The following PCDHA1 variants were observed in gnomAD, a reference collection of about 807,000 sequenced individuals.
PCDHA1 encodes the protein protocadherin alpha-1.
A neutral mutation model predicts 61.3 loss-of-function variants in PCDHA1; 42 were observed. The ratio of observed to expected loss-of-function variants is 0.69; its 90% CI spans 0.54 to 0.89. The LOEUF is 0.89. Ranked by LOEUF, PCDHA1 falls within the 40% of genes least tolerant of loss-of-function variation. The pLI is 0.00. For synonymous variants in PCDHA1, 610 were observed against 553.8 expected (o/e 1.10, Z -1.43); for missense variants, 1,256 against 1,235.3 (o/e 1.02, Z -0.25).
At chr5:140,835,778 G>A in intron 1 of PCDHA1, 1 of 1,613,340 alleles carries the variant, frequency 6.2e-7, no homozygotes, top group Non-Finnish European at 8.5e-7. Flanking sequence ...TGTTCGTGAA[G>A]GAGAACAACC....
At chr5:140,977,831 T>C (rs987042342) in intron 1 of PCDHA1, among the ~76,000 whole-genome samples, 3 of 152,240 alleles carry the variant, frequency 2.0e-5, no homozygotes, top group Admixed American at 1.3e-4. Flanking sequence ...AATGGTCTAT[T>C]GATATTACTA....
intron 1 of PCDHA1, chr5:140,807,991 T>C (rs782125589): frequency 6.2e-7 from 1 of 1,613,604 alleles, no homozygotes; most frequent in Admixed American, 1.7e-5. Flanking sequence ...ACGCCTCAGA[T>C]TTAGACGAAG....
intron 1 of PCDHA1, among the ~76,000 whole-genome samples, chr5:140,936,024 C>T (rs536876826): frequency 1.4e-4 from 22 of 151,890 alleles, no homozygotes; most frequent in African/African-American, 4.6e-4. Flanking sequence ...TCCCGAGTAG[C>T]GGGGATTACA....
chr5:140,867,059 TTATA>T (rs782538902), intron 1 of PCDHA1: 1 of 152,152 alleles, frequency 6.6e-6, no homozygotes, highest in Non-Finnish European at 1.5e-5. Flanking sequence ...CAGTACTACT[TTATA>T]TATTCACAAA....
At chr5:140,803,875 T>C in intron 1 of PCDHA1, 1 of 556,838 alleles carries the variant, frequency 1.8e-6, no homozygotes, top group East Asian at 3.0e-5. Flanking sequence ...ACAAATATTT[T>C]TTCTTAGATG....
chr5:140,805,123 G>A (rs1554123272), intron 1 of PCDHA1: 1 of 1,584,212 alleles, frequency 6.3e-7, no homozygotes, highest in Admixed American at 1.7e-5. Context: ...AAGACTCTTG[G>A]CAAAGACATT....
At position 140,857,279 on chromosome 5, in the gene PCDHA1, G is replaced by A. The variant is rs782434219; in HGVS notation, c.2394+68595G>A. 6 of 1,598,610 alleles carry A rather than the reference G, an allele frequency of 3.8e-6. No homozygotes were observed. Among genetic ancestry groups the A allele is most frequent in the Admixed American group, 1.7e-5 (1 of 59,324 alleles). Reference sequence around the variant, plus strand: ...TTACTACTCATTGGTGCTGGACAGCGCTCTGGACCGCGAGAGGGTGTCGGC... The same window carrying A: ...TTACTACTCATTGGTGCTGGACAGCACTCTGGACCGCGAGAGGGTGTCGGC... On this transcript the variant is annotated intron_variant, in intron 1 of 3. Coordinates refer to ENST00000504120, the MANE Select transcript of PCDHA1 (RefSeq NM_018900.4).
At chr5:140,797,301 T>C (rs1554120393) in intron 1 of PCDHA1, 1 of 1,614,136 alleles carries the variant, frequency 6.2e-7, no homozygotes, top group Admixed American at 1.7e-5. Context: ...TATCTCAAGG[T>C]CCAGACTCCG....
At chr5:140,926,131 A>G (rs2082931602) in intron 1 of PCDHA1, among the ~76,000 whole-genome samples, 1 of 152,076 alleles carries the variant, frequency 6.6e-6, no homozygotes, top group Non-Finnish European at 1.5e-5. Context: ...TTCAACCCGC[A>G]GCAGGATCCA....
chr5:140,856,991 T>C, intron 1 of PCDHA1: 1 of 1,595,770 alleles, frequency 6.3e-7, no homozygotes, highest in Non-Finnish European at 8.6e-7. Flanking sequence ...CAGTAACACT[T>C]ATGAAATTCA....
intron 1 of PCDHA1, chr5:140,852,727 G>C: frequency 1.0e-6 from 1 of 983,528 alleles, no homozygotes; most frequent in South Asian, 4.8e-5. Flanking sequence ...CGTTTTTCAA[G>C]TTTCATGTGC....
At chr5:140,882,814 A>T in intron 1 of PCDHA1, 1 of 1,614,248 alleles carries the variant, frequency 6.2e-7, no homozygotes, top group East Asian at 2.2e-5. Context: ...CTTTGGACGC[A>T]CAAAACAGTC....
rs142074942 is a variant in PCDHA1, at chr5:140,842,421, C to T, written c.2394+53737C>T. Reference sequence around the variant, plus strand: ...GTACGTGAAGACGCTCAATTTGGTACTGTCATCGCCCTAATTAGCGTGAAC... The same window carrying T: ...GTACGTGAAGACGCTCAATTTGGTATTGTCATCGCCCTAATTAGCGTGAAC... On this transcript the variant is annotated intron_variant, in intron 1 of 3. Coordinates refer to ENST00000504120, the MANE Select transcript of PCDHA1 (RefSeq NM_018900.4). The T allele has an allele frequency of 2.6e-4, 427 of 1,613,464 alleles. 6 individuals carry two copies. In the African/African-American group the frequency reaches 2.7e-3, roughly 10 times the overall value.
intron 1 of PCDHA1, chr5:140,877,356 T>G (rs1227079705): frequency 9.9e-6 from 16 of 1,613,866 alleles, no homozygotes; most frequent in Non-Finnish European, 1.4e-5. Flanking sequence ...GGCTGTACAC[T>G]GGCGAGATCA....
intron 1 of PCDHA1, chr5:140,802,627 T>C: frequency 3.1e-6 from 5 of 1,613,912 alleles, no homozygotes; most frequent in South Asian, 1.1e-5. Flanking sequence ...ATCTTCACGG[T>C]GTCTGCGCGG....
chr5:141,006,507 C>T (rs2098276539), intron 3 of PCDHA1, among the ~76,000 whole-genome samples: 1 of 152,156 alleles, frequency 6.6e-6, no homozygotes, highest in Admixed American at 6.5e-5. Flanking sequence ...GCCACCGCGC[C>T]TGGCTGTTAT....
At chr5:140,822,046 C>G in intron 1 of PCDHA1, 1 of 1,614,162 alleles carries the variant, frequency 6.2e-7, no homozygotes, top group Non-Finnish European at 8.5e-7. Flanking sequence ...TCGGATCGAC[C>G]GGGAGGAGCT....
rs1274589805 is a variant in PCDHA1, at chr5:140,906,709, G to T, written c.2395-72240G>T. Among the ~76,000 whole-genome samples the T allele has an allele frequency of 3.3e-5, 5 of 152,190 alleles. No individual in the cohort carries two copies. In the East Asian group the frequency reaches 9.6e-4, roughly 29 times the overall value. ...AAGGATCTGGGCCATTTGTAGTCCT[G>T]CCTGGATTGTGCTGTTGTAGTTTCC... On this transcript the variant is annotated intron_variant, in intron 1 of 3. Transcript: ENST00000504120.
At chr5:140,850,611 G>A (rs1353719119) in intron 1 of PCDHA1, 2 of 1,598,474 alleles carry the variant, frequency 1.3e-6, no homozygotes, top group Non-Finnish European at 1.7e-6. Context: ...CGCCATCTGC[G>A]CGGTGTCTAG....
Sources: allele counts gnomAD v4.1 joint callset (sites outside exome capture counted in the v4.1 genomes callset), GRCh38; gene constraint gnomAD v4.1.1; transcripts MANE v1.5; gene names NCBI Gene and HGNC (gene_info 2026-07-23, HGNC 2026-07-21).